RALGAPA2: variants seen among roughly 807,000 people sequenced by gnomAD.
The protein encoded by RALGAPA2 is ral GTPase-activating protein subunit alpha-2.
Under a neutral mutation model 230.4 loss-of-function variants are expected in RALGAPA2, and 139 were observed. The observed-to-expected ratio is 0.60, with a 90% CI of 0.53 to 0.69. The LOEUF (loss-of-function observed/expected upper bound fraction) is 0.69. Ranked by LOEUF, RALGAPA2 falls within the 30% of genes least tolerant of loss-of-function variation. The pLI is 0.00. For missense variants in RALGAPA2, 2,163 were observed against 2,276.0 expected (o/e 0.95, Z 1.01); for synonymous variants, 847 against 837.8 (o/e 1.01, Z -0.19).
chr20:20,595,986 A>C (rs535808188), intron 16 of RALGAPA2, among the ~76,000 whole-genome samples: 1 of 152,290 alleles, frequency 6.6e-6, no homozygotes, highest in Admixed American at 6.5e-5. Flanking sequence ...AACAAACAAA[A>C]AAACTGTAGA....
intron 1 of RALGAPA2, among the ~76,000 whole-genome samples, chr20:20,685,526 G>A (rs2068669451): frequency 1.3e-5 from 2 of 152,200 alleles, no homozygotes; most frequent in Admixed American, 1.3e-4. Context: ...GATCTCCAGT[G>A]ACCTGCCCAA....
chr20:20,457,313 T>C (rs2061145658), intron 37 of RALGAPA2, among the ~76,000 whole-genome samples: 1 of 152,252 alleles, frequency 6.6e-6, no homozygotes, highest in African/African-American at 2.4e-5. Flanking sequence ...TAAATCGTAT[T>C]ATCTTTACAA....
chr20:20,407,469 G>A (rs970513127), intron 38 of RALGAPA2, among the ~76,000 whole-genome samples: 14 of 152,206 alleles, frequency 9.2e-5, no homozygotes, highest in African/African-American at 1.2e-4. Flanking sequence ...GACTGCATGC[G>A]GAATGACGAG....
chr20:20,666,896 A>AG (rs1400177182), intron 3 of RALGAPA2, among the ~76,000 whole-genome samples: 1 of 151,904 alleles, frequency 6.6e-6, no homozygotes. Flanking sequence ...TCACAAAAGA[A>AG]GAGGAGGAGG....
chr20:20,560,153 G>A (rs918012252), intron 23 of RALGAPA2, among the ~76,000 whole-genome samples: 5 of 152,198 alleles, frequency 3.3e-5, no homozygotes, highest in Non-Finnish European at 5.9e-5. Context: ...GCATGATGGG[G>A]ACAGCAGGCA....
chr20:20,616,545 G>A (rs779810126), intron 12 of RALGAPA2, among the ~76,000 whole-genome samples: 2 of 152,174 alleles, frequency 1.3e-5, no homozygotes, highest in Non-Finnish European at 2.9e-5. Flanking sequence ...AAGTAGGATC[G>A]TTGCATATGA....
chr20:20,640,916 G>A (rs752773165), intron 5 of RALGAPA2, 38 bp from the exon 6 acceptor site: 4 of 1,526,338 alleles, frequency 2.6e-6, no homozygotes, highest in South Asian at 2.3e-5. Context: ...TGAAACACAT[G>A]TATTTACAGA....
intron 37 of RALGAPA2, among the ~76,000 whole-genome samples, chr20:20,418,872 G>C (rs547884263): frequency 6.6e-6 from 1 of 152,226 alleles, no homozygotes; most frequent in Admixed American, 6.5e-5. Context: ...CCAAGTAGCT[G>C]GGACTACAGA....
intron 3 of RALGAPA2, among the ~76,000 whole-genome samples, chr20:20,675,611 T>C (rs775286221): frequency 1.3e-5 from 2 of 152,150 alleles, no homozygotes; most frequent in African/African-American, 2.4e-5. Flanking sequence ...ACTTATCTAA[T>C]ACATTTGGAC....
chr20:20,537,247 G>A (rs1179867453), intron 24 of RALGAPA2, among the ~76,000 whole-genome samples: 3 of 152,028 alleles, frequency 2.0e-5, no homozygotes, highest in Non-Finnish European at 2.9e-5. Flanking sequence ...ACTGCTTTAC[G>A]AAAAAATATA....
rs370047062 is a variant in RALGAPA2, at chr20:20,503,509, G to A, written c.5053-3C>T. On this transcript the variant is annotated splice_polypyrimidine_tract_variant and splice_region_variant and intron_variant, in intron 34 of 39. Coordinates refer to ENST00000202677, the MANE Select transcript of RALGAPA2 (RefSeq NM_020343.4). Reference sequence around the variant, plus strand: ...CCACAGTGGGTGGAGAGATCCACCTGACAAAGGTCACAAAGAAGAAAGAGT... The same window carrying A: ...CCACAGTGGGTGGAGAGATCCACCTAACAAAGGTCACAAAGAAGAAAGAGT... 1.9e-5 allele frequency: 30 copies of A among 1,552,390 alleles called. No homozygotes were observed. The highest frequency in any genetic ancestry group is 2.6e-5 in the Non-Finnish European group (30 of 1,150,284).
chr20:20,625,448 CT>C (rs916568637), intron 10 of RALGAPA2, among the ~76,000 whole-genome samples: 1 of 152,126 alleles, frequency 6.6e-6, no homozygotes, highest in Non-Finnish European at 1.5e-5. Context: ...AAAAATAAAG[CT>C]GTTTAAAATA....
Position 20,605,222 on chromosome 20 carries a change from G to A in RALGAPA2, c.1991C>T (p.Pro664Leu). 6.2e-7 allele frequency: 1 copy of A among 1,613,678 alleles called. No individual in the cohort carries two copies. The highest frequency in any genetic ancestry group is 8.5e-7 in the Non-Finnish European group (1 of 1,179,724). ...CTTTTGTTCACTTAATTTATCCAGA[G>A]GTAGGTTTGTCATCTCAACTCCATA... ...TVYGVEMTNL[P>L]LDKLSEQKEK... Residue 664 changes from proline (P) to leucine (L), a missense_variant, in exon 15 of 40, where the codon CCT (proline) becomes CTT (leucine). Transcript: ENST00000202677.
intron 36 of RALGAPA2, 52 bp from the exon 37 acceptor site, chr20:20,473,008 C>A: frequency 6.5e-7 from 1 of 1,544,188 alleles, no homozygotes; most frequent in South Asian, 1.2e-5. Flanking sequence ...AAAGTCAAAT[C>A]AAAGATATGA....
intron 18 of RALGAPA2, among the ~76,000 whole-genome samples, chr20:20,587,918 T>C (rs1002510460): frequency 6.6e-6 from 1 of 151,980 alleles, no homozygotes; most frequent in African/African-American, 2.4e-5. Context: ...GTCTAAGAAA[T>C]ACAAAATAAG....
chr20:20,700,011 T>G (rs2069280424), intron 1 of RALGAPA2, among the ~76,000 whole-genome samples: 1 of 152,208 alleles, frequency 6.6e-6, no homozygotes, highest in Non-Finnish European at 1.5e-5. Context: ...TGCACTCATA[T>G]GTTCATTGCC....
At chr20:20,538,534 A>G (rs1480456252) in intron 24 of RALGAPA2, among the ~76,000 whole-genome samples, 1 of 152,232 alleles carries the variant, frequency 6.6e-6, no homozygotes, top group Non-Finnish European at 1.5e-5. Flanking sequence ...AAGCACAATT[A>G]AACAAAAGCC....
chr20:20,443,702 G>T (rs540595892), intron 37 of RALGAPA2, among the ~76,000 whole-genome samples: 1 of 152,366 alleles, frequency 6.6e-6, no homozygotes, highest in Admixed American at 6.5e-5. Context: ...AAGTGCTTGA[G>T]GAAGTCATGT....
chr20:20,496,714 T>TA (rs1435664298), intron 35 of RALGAPA2, among the ~76,000 whole-genome samples: 4 of 152,210 alleles, frequency 2.6e-5, no homozygotes, highest in African/African-American at 4.8e-5. Flanking sequence ...TTAGCATAAA[T>TA]ACAGTTTTCT....
Sources: gnomAD v4.1 joint callset for allele counts (sites outside exome capture counted in the v4.1 genomes callset) on GRCh38, gnomAD v4.1.1 for gene constraint, MANE v1.5 for transcripts, NCBI Gene and HGNC (gene_info 2026-07-23, HGNC 2026-07-21) for gene names.